The following ACBD6 variants were observed in gnomAD, a reference collection of about 807,000 sequenced individuals.
ACBD6 encodes acyl-CoA binding domain containing 6.
Under a neutral mutation model 37.2 loss-of-function variants are expected in ACBD6, and 28 were observed. That is an observed-to-expected ratio of 0.75 (90% CI 0.56 to 1.03). The LOEUF is 1.03. Ranked by LOEUF, ACBD6 falls within the 50% of genes least tolerant of loss-of-function variation. ACBD6 has a pLI of 0.00. For missense variants in ACBD6, 340 were observed against 337.4 expected (o/e 1.01, Z -0.06); for synonymous variants, 113 against 126.8 (o/e 0.89, Z 0.73).
chr1:180,495,715 C>T (rs567351404), intron 1 of ACBD6, among the ~76,000 whole-genome samples, 190 bp from the exon 2 acceptor site: 35 of 152,298 alleles, frequency 2.3e-4, no homozygotes, highest in African/African-American at 7.7e-4. Context: ...ACATTACATA[C>T]AGCCTACTTT....
chr1:180,294,020 G>A (rs1176818830), intron 7 of ACBD6, among the ~76,000 whole-genome samples: 2 of 151,914 alleles, frequency 1.3e-5, no homozygotes, highest in Admixed American at 6.6e-5. Context: ...TCAGGCTCCC[G>A]AGCAGCTGGG....
chr1:180,480,325 G>A (rs1479667216), intron 3 of ACBD6, among the ~76,000 whole-genome samples: 2 of 152,174 alleles, frequency 1.3e-5, no homozygotes, highest in Admixed American at 1.3e-4. Flanking sequence ...AGAGGCAGTA[G>A]GGGTAGAAAG....
Position 180,274,687 on chromosome 1 carries a change from A to G in ACBD6, c.*900T>C, listed in dbSNP as rs1172840410. Reference sequence around the variant, plus strand: ...CGAAAGTACGCCAATGTGAATTTCCATTATTTTCAATGGAAGTCCTCCGCT... The same window carrying G: ...CGAAAGTACGCCAATGTGAATTTCCGTTATTTTCAATGGAAGTCCTCCGCT... On this transcript the variant is annotated 3_prime_UTR_variant, in exon 10 of 14. Coordinates refer to the ACBD6 transcript ENST00000642319. 8.6e-6 allele frequency: 11 copies of G among 1,285,392 alleles called. No homozygotes were observed. The Admixed American group carries it at 2.1e-4, about 24-fold the overall frequency. The allele number at this position is 1,285,392 out of a possible 1,614,324, so 79.6% of individuals were successfully genotyped here. A position where few individuals can be genotyped will look rare whatever the true frequency, so the allele number is the denominator to read the frequency against.
At chr1:180,348,923 T>A (rs1430373706) in intron 6 of ACBD6, among the ~76,000 whole-genome samples, 1 of 152,196 alleles carries the variant, frequency 6.6e-6, no homozygotes, top group Non-Finnish European at 1.5e-5. Context: ...CTCTTATAAT[T>A]TTTTTCTCTC....
intron 3 of ACBD6, among the ~76,000 whole-genome samples, chr1:180,463,260 C>T (rs184898689): frequency 9.2e-5 from 14 of 151,990 alleles, no homozygotes; most frequent in Non-Finnish European, 1.8e-4. Context: ...AAAACTCATT[C>T]AAAAGATCGA....
downstream of ACBD6, among the ~76,000 whole-genome samples, chr1:180,286,513 A>G (rs1649504622): frequency 6.6e-6 from 1 of 152,224 alleles, no homozygotes; most frequent in Non-Finnish European, 1.5e-5. Context: ...TAAAAACTGA[A>G]GGCATCATCC....
intron 6 of ACBD6, among the ~76,000 whole-genome samples, chr1:180,350,409 G>A (rs1571395135): frequency 1.9e-5 from 1 of 52,890 alleles, no homozygotes; most frequent in African/African-American, 8.1e-5. Flanking sequence ...TTGAGAAATC[G>A]ATCTATATTT....
At chr1:180,491,824 T>A (rs1651513340) in intron 3 of ACBD6, among the ~76,000 whole-genome samples, 1 of 152,202 alleles carries the variant, frequency 6.6e-6, no homozygotes, top group Non-Finnish European at 1.5e-5. Flanking sequence ...TTTTTCATTT[T>A]TCTGAGATGG....
downstream of ACBD6, among the ~76,000 whole-genome samples, chr1:180,284,365 C>CTT (rs774639942): frequency 5.1e-4 from 73 of 143,828 alleles, no homozygotes; most frequent in East Asian, 0.013. Flanking sequence ...GTATTAAGGT[C>CTT]TTTTTTTTTT....
At chr1:180,297,125 G>A (rs1343542228) in intron 7 of ACBD6, among the ~76,000 whole-genome samples, 1 of 152,018 alleles carries the variant, frequency 6.6e-6, no homozygotes, top group Admixed American at 6.5e-5. Flanking sequence ...GCTCTCTAAC[G>A]GTACTTAGGT....
At chr1:180,493,266 A>C (rs1011729454) in intron 2 of ACBD6, among the ~76,000 whole-genome samples, 9 of 141,246 alleles carry the variant, frequency 6.4e-5, no homozygotes, top group Non-Finnish European at 1.2e-4. Context: ...AAAAAAAAAA[A>C]AAAAAAAAAA....
chr1:180,348,979 A>C (rs987172243), intron 6 of ACBD6, among the ~76,000 whole-genome samples: 1 of 152,264 alleles, frequency 6.6e-6, no homozygotes, highest in East Asian at 1.9e-4. Context: ...ATATAACAGA[A>C]TATTACCCTT....
intron 6 of ACBD6, among the ~76,000 whole-genome samples, chr1:180,372,889 T>C (rs1653314183): frequency 6.6e-6 from 1 of 152,148 alleles, no homozygotes; most frequent in South Asian, 2.1e-4. Context: ...ATAAGCTACT[T>C]GTATCCAAGC....
At chr1:180,441,904 T>G (rs1385612049) in intron 3 of ACBD6, among the ~76,000 whole-genome samples, 1 of 152,208 alleles carries the variant, frequency 6.6e-6, no homozygotes, top group African/African-American at 2.4e-5. Flanking sequence ...TGGCTAGAAT[T>G]TATGTATACA....
intron 6 of ACBD6, among the ~76,000 whole-genome samples, chr1:180,386,114 G>A (rs964488599): frequency 1.3e-5 from 2 of 152,170 alleles, no homozygotes; most frequent in Admixed American, 1.3e-4. Context: ...AGGTTGCAGT[G>A]AGCCAAGATT....
chr1:180,404,795 T>C (rs891006707), intron 5 of ACBD6, among the ~76,000 whole-genome samples: 1 of 152,164 alleles, frequency 6.6e-6, no homozygotes, highest in Admixed American at 6.5e-5. Flanking sequence ...ACTGTAGATT[T>C]AAAAATGATT....
chr1:180,335,441 C>T (rs1420900958), intron 6 of ACBD6, among the ~76,000 whole-genome samples: 14 of 151,594 alleles, frequency 9.2e-5, no homozygotes, highest in Non-Finnish European at 1.5e-4. Context: ...AAATAAAATC[C>T]TTTACAGACA....
chr1:180,403,517 T>C (rs1647476834), intron 5 of ACBD6, among the ~76,000 whole-genome samples: 1 of 152,174 alleles, frequency 6.6e-6, no homozygotes, highest in African/African-American at 2.4e-5. Flanking sequence ...AATGGTAGAA[T>C]CGAGATGGTA....
In ACBD6 at chr1:180,271,153, A is replaced by G. The variant is rs148235710; in HGVS notation, c.*2072T>C. ...GGAGGGTTGAGGCAGGGAGCTGAGC[A>G]GAGAAAGGACTGCTGTCCTCACTTT... is the stretch of plus-strand genomic sequence containing the variant. On this transcript the variant is annotated 3_prime_UTR_variant, in exon 14 of 14. Transcript: ENST00000642319. 3.9e-4 allele frequency: 232 copies of G among 601,252 alleles called. 1 individual carries two copies. The highest frequency in any genetic ancestry group is 3.1e-3 in the Middle Eastern group (7 of 2,238). 37.2% of individuals were successfully genotyped at this position (601,252 alleles called of 1,614,324 possible). A position where few individuals can be genotyped will look rare whatever the true frequency, so the allele number is the denominator to read the frequency against.
Sources: gnomAD v4.1 joint callset for allele counts (sites outside exome capture counted in the v4.1 genomes callset) on GRCh38, gnomAD v4.1.1 for gene constraint, MANE v1.5 for transcripts, NCBI Gene and HGNC (gene_info 2026-07-23, HGNC 2026-07-21) for gene names.